GPC4: variants seen among roughly 807,000 people sequenced by gnomAD.
The protein encoded by GPC4 is glypican-4.
Under a neutral mutation model 35.0 loss-of-function variants are expected in GPC4, and 10 were observed. The observed-to-expected ratio is 0.29, with a 90% CI of 0.18 to 0.48. The LOEUF is 0.48. Among genes scored for constraint, GPC4 ranks in the 20% least tolerant of loss-of-function variants. The pLI is 0.99. For missense variants in GPC4, 322 were observed against 451.3 expected (o/e 0.71, Z 2.60); for synonymous variants, 167 against 170.2 (o/e 0.98, Z 0.15).
At chrX:133,365,009 G>A (rs918899735) in intron 1 of GPC4, among the ~76,000 whole-genome samples, 1 of 111,643 alleles carries the variant, frequency 9.0e-6, no homozygotes, top group African/African-American at 3.3e-5. Flanking sequence ...TGGCCTTTCT[G>A]GGGGGAGTCA....
At chrX:133,337,868 A>T (rs2068451182) in intron 2 of GPC4, among the ~76,000 whole-genome samples, 1 of 110,596 alleles carries the variant, frequency 9.0e-6, no homozygotes, top group Non-Finnish European at 1.9e-5. Flanking sequence ...TACAGCATAT[A>T]TGTAGGGGGA....
intron 1 of GPC4, among the ~76,000 whole-genome samples, chrX:133,354,600 C>T (rs751544063): frequency 6.8e-5 from 7 of 102,810 alleles, no homozygotes; most frequent in African/African-American, 1.9e-4. Context: ...CTCGCTCTGT[C>T]GCCCAGGCCA....
chrX:133,310,571 G>A (rs2068310520), intron 4 of GPC4, among the ~76,000 whole-genome samples: 1 of 111,429 alleles, frequency 9.0e-6, no homozygotes, highest in African/African-American at 3.3e-5. Flanking sequence ...AAATTCTCAG[G>A]GCTAAAGTCC....
chrX:133,373,156 A>G (rs1336692425), intron 1 of GPC4, among the ~76,000 whole-genome samples: 1 of 112,082 alleles, frequency 8.9e-6, no homozygotes, highest in Non-Finnish European at 1.9e-5. Context: ...TAGCATTTTT[A>G]GAAAACAATA....
intron 2 of GPC4, among the ~76,000 whole-genome samples, chrX:133,338,577 G>A (rs5977859): frequency 0.43 from 47,343 of 110,700 alleles, 9,438 homozygotes; most frequent in African/African-American, 0.79. Context: ...GTCTGGCATA[G>A]GTGATTAGAA....
At chrX:133,342,316 C>T (rs1302112359) in intron 1 of GPC4, among the ~76,000 whole-genome samples, 11 of 110,890 alleles carry the variant, frequency 9.9e-5, no homozygotes, top group African/African-American at 3.6e-4. Flanking sequence ...GGATTACAGG[C>T]GCGAGCCACC....
At chrX:133,323,891 C>A (rs1163758416) in intron 3 of GPC4, among the ~76,000 whole-genome samples, 2 of 111,137 alleles carry the variant, frequency 1.8e-5, no homozygotes, top group African/African-American at 6.6e-5. Flanking sequence ...ATATATTCCC[C>A]CTTCTAAGAA....
chrX:133,408,286 C>T (rs180747580), intron 1 of GPC4, among the ~76,000 whole-genome samples: 109 of 112,211 alleles, frequency 9.7e-4, no homozygotes, highest in African/African-American at 3.4e-3. Flanking sequence ...TTGGTAAAGA[C>T]AATAAACTTG....
At chrX:133,364,912 G>A (rs764596924) in intron 1 of GPC4, among the ~76,000 whole-genome samples, 20 of 112,082 alleles carry the variant, frequency 1.8e-4, no homozygotes, top group Middle Eastern at 4.6e-3. Flanking sequence ...CTAATACAGC[G>A]AGTGCAAACA....
At chrX:133,318,085 A>G (rs2068346941) in intron 3 of GPC4, among the ~76,000 whole-genome samples, 1 of 111,471 alleles carries the variant, frequency 9.0e-6, no homozygotes, top group Non-Finnish European at 1.9e-5. Flanking sequence ...TTGTTTTGTG[A>G]GTATGTAAAC....
intron 1 of GPC4, among the ~76,000 whole-genome samples, chrX:133,345,971 T>C (rs1012095036): frequency 6.3e-5 from 7 of 111,784 alleles, no homozygotes; most frequent in African/African-American, 2.3e-4. Context: ...AACCAAGCAG[T>C]GGCTCATGGG....
intron 1 of GPC4, among the ~76,000 whole-genome samples, chrX:133,395,186 G>A (rs2068737245): frequency 9.0e-6 from 1 of 111,346 alleles, no homozygotes; most frequent in African/African-American, 3.3e-5. Flanking sequence ...TACATGATGC[G>A]TTCAAAATAG....
At chrX:133,352,725 T>G (rs6638079) in intron 1 of GPC4, among the ~76,000 whole-genome samples, 2,163 of 111,008 alleles carry the variant, frequency 0.019, 54 homozygotes, top group African/African-American at 0.067. Context: ...CAACGAACAA[T>G]TTGAGATACC....
At chrX:133,303,134 G>A in intron 8 of GPC4, 32 bp downstream of exon 8, 1 of 1,207,832 alleles carries the variant, frequency 8.3e-7, no homozygotes, top group East Asian at 3.0e-5. Context: ...ACATACAAGA[G>A]CAATTCGTAC....
intron 3 of GPC4, 57 bp downstream of exon 3, chrX:133,324,088 T>C: frequency 8.9e-7 from 1 of 1,124,797 alleles, no homozygotes; most frequent in South Asian, 2.2e-5. Flanking sequence ...CCAAACATTC[T>C]TTTAACATGA....
chrX:133,302,620 C>T lies in GPC4; in HGVS notation c.*247G>A, dbSNP rs1341410971. On this transcript the variant is annotated 3_prime_UTR_variant, in exon 9 of 9. Coordinates refer to ENST00000370828, the MANE Select transcript of GPC4 (RefSeq NM_001448.3). The stretch of plus-strand genomic sequence containing the variant: ...CACAAATGCACAACTAACTATAGTT[C>T]TGTACCTACACTGTTAGCCACGTTT... 2.1e-5 allele frequency: 8 copies of T among 373,692 alleles called. No individual in the cohort carries two copies. In the East Asian group the frequency reaches 3.0e-4, roughly 14 times the overall value. The allele number at this position is 373,692 out of a possible 1,213,427, so 30.8% of individuals were successfully genotyped here. A position where few individuals can be genotyped will look rare whatever the true frequency, so the allele number is the denominator to read the frequency against.
chrX:133,335,097 G>A (rs769285108), intron 2 of GPC4, among the ~76,000 whole-genome samples: 6 of 110,980 alleles, frequency 5.4e-5, no homozygotes, highest in Admixed American at 9.7e-5. Context: ...TATTCCCTTT[G>A]CCAAGCAATT....
intron 1 of GPC4, among the ~76,000 whole-genome samples, chrX:133,341,003 G>GAA (rs35779366): frequency 2.7e-5 from 3 of 110,868 alleles, no homozygotes; most frequent in African/African-American, 9.9e-5. Context: ...AAAAAAAAGG[G>GAA]AAAAAAAAGG....
At chrX:133,394,371 C>G (rs1459401931) in intron 1 of GPC4, among the ~76,000 whole-genome samples, 1 of 110,832 alleles carries the variant, frequency 9.0e-6, no homozygotes, top group Admixed American at 9.7e-5. Flanking sequence ...GTTATTCTAT[C>G]ATCTCTTCAA....
Sources: allele counts gnomAD v4.1 joint callset (sites outside exome capture counted in the v4.1 genomes callset), GRCh38; gene constraint gnomAD v4.1.1; transcripts MANE v1.5; gene names NCBI Gene and HGNC (gene_info 2026-07-23, HGNC 2026-07-21).